The following SEMA3A variants were observed in gnomAD, a reference collection of about 807,000 sequenced individuals.
SEMA3A encodes the protein semaphorin 3A.
SEMA3A carries 29 observed loss-of-function variants against 97.9 expected under a neutral mutation model. The ratio of observed to expected loss-of-function variants is 0.30; its 90% CI spans 0.22 to 0.40. The LOEUF (loss-of-function observed/expected upper bound fraction) is 0.40, where lower values mean the gene tolerates loss of function less well. Ranked by LOEUF, SEMA3A falls within the 10% of genes least tolerant of loss-of-function variation. SEMA3A has a pLI of 1.00. For synonymous variants in SEMA3A, 321 were observed against 323.7 expected (o/e 0.99, Z 0.09); for missense variants, 763 against 951.3 (o/e 0.80, Z 2.60).
intron 2 of SEMA3A, among the ~76,000 whole-genome samples, 196 bp downstream of exon 2, chr7:84,134,598 G>A (rs146210608): frequency 6.6e-6 from 1 of 152,258 alleles, no homozygotes; most frequent in East Asian, 1.9e-4. Flanking sequence ...TGCAAATACT[G>A]TGGTTTCATC....
chr7:84,050,502 G>A (rs948799241), intron 5 of SEMA3A, among the ~76,000 whole-genome samples: 7 of 152,040 alleles, frequency 4.6e-5, no homozygotes, highest in African/African-American at 1.7e-4. Flanking sequence ...CTGCATAAAT[G>A]TCTTCTTTTG....
At chr7:84,205,188 G>C in intron 3 of SEMA3A, among the ~76,000 whole-genome samples, 1 of 152,062 alleles carries the variant, frequency 6.6e-6, no homozygotes, top group East Asian at 1.9e-4. Context: ...AATTATTATG[G>C]GAATATCTCC....
At position 84,110,823 on chromosome 7, in the gene SEMA3A, C is replaced by T. The variant is rs542101689; in HGVS notation, c.334-234G>A. On this transcript the variant is annotated intron_variant, in intron 3 of 16. Transcript: ENST00000265362. ...CTGGTGAGAACAATTATTTTATGCC[C>T]TTCCGTCAGTCTTCCATTAAAACTA... Among the ~76,000 whole-genome samples, 4 of 151,930 alleles carry T rather than the reference C, an allele frequency of 2.6e-5. No homozygotes were observed. The South Asian group carries it at 8.3e-4, about 32-fold the overall frequency.
intron 1 of SEMA3A, among the ~76,000 whole-genome samples, chr7:84,382,322 G>A (rs777806459): frequency 6.6e-6 from 1 of 151,694 alleles, no homozygotes; most frequent in Non-Finnish European, 1.5e-5. Context: ...GGCCAAGATG[G>A]TCTGAAACTC....
intron 13 of SEMA3A, among the ~76,000 whole-genome samples, chr7:83,984,608 C>CTTTTTTTTTTTTTTTTTTTTTT (rs371082897): frequency 5.1e-5 from 5 of 98,880 alleles, no homozygotes; most frequent in Admixed American, 2.8e-4. Flanking sequence ...GATTTTTCTG[C>CTTTTTTTTTTTTTTTTTTTTTT]TTTTTTTTTT....
chr7:84,086,522 ATAAT>A (rs1794364368), intron 4 of SEMA3A, among the ~76,000 whole-genome samples: 1 of 52,974 alleles, frequency 1.9e-5, no homozygotes. Context: ...ATATTTATAT[ATAAT>A]ATATTATTAT....
chr7:83,963,107 A>G, intron 16 of SEMA3A, 98 bp downstream of exon 16: 1 of 1,311,608 alleles, frequency 7.6e-7, no homozygotes. Context: ...GAGGATAAGC[A>G]TTCTCAGTGC....
chr7:84,463,394 A>T (rs919689239), intron 1 of SEMA3A, among the ~76,000 whole-genome samples: 1 of 151,052 alleles, frequency 6.6e-6, no homozygotes, highest in Non-Finnish European at 1.5e-5. Flanking sequence ...GACTACAGGC[A>T]CCTGCCACCA....
intron 5 of SEMA3A, among the ~76,000 whole-genome samples, chr7:84,052,285 G>T (rs577302884): frequency 6.6e-6 from 1 of 152,170 alleles, no homozygotes; most frequent in Non-Finnish European, 1.5e-5. Context: ...CAGAAGGAAC[G>T]CTACCAGTTC....
chr7:84,487,376 C>G (rs763265074), intron 1 of SEMA3A, among the ~76,000 whole-genome samples: 1 of 151,986 alleles, frequency 6.6e-6, no homozygotes, highest in Non-Finnish European at 1.5e-5. Context: ...GACTTCTACT[C>G]AGACTACCCA....
At chr7:83,961,912 A>C (rs1788488844) in intron 16 of SEMA3A, 86 bp from the exon 17 acceptor site, 3 of 1,039,114 alleles carry the variant, frequency 2.9e-6, no homozygotes, top group Non-Finnish European at 4.1e-6. Context: ...AAAACTTTAG[A>C]TTATGTGTTG....
chr7:84,206,938 G>C (rs1798508555), intron 3 of SEMA3A, among the ~76,000 whole-genome samples: 1 of 151,600 alleles, frequency 6.6e-6, no homozygotes, highest in African/African-American at 2.4e-5. Context: ...TCTCTACTTT[G>C]ATTACCCACC....
At chr7:84,364,789 G>A (rs1802804510) in intron 2 of SEMA3A, among the ~76,000 whole-genome samples, 1 of 151,084 alleles carries the variant, frequency 6.6e-6, no homozygotes. Context: ...AACTGTGCAG[G>A]TCAGGCAGGC....
At chr7:84,248,119 A>C (rs189788001) in intron 3 of SEMA3A, among the ~76,000 whole-genome samples, 63 of 152,324 alleles carry the variant, frequency 4.1e-4, no homozygotes, top group Non-Finnish European at 7.6e-4. Context: ...TCAATATAAA[A>C]ACCGGCATAT....
At chr7:84,449,477 TGAAA>T (rs1188744307) in intron 1 of SEMA3A, among the ~76,000 whole-genome samples, 2 of 152,038 alleles carry the variant, frequency 1.3e-5, no homozygotes, top group African/African-American at 4.8e-5. Context: ...ACAACAGGAC[TGAAA>T]GAGACACCAC....
intron 15 of SEMA3A, among the ~76,000 whole-genome samples, chr7:83,963,650 A>T (rs753560712): frequency 2.0e-5 from 3 of 152,198 alleles, no homozygotes; most frequent in Non-Finnish European, 4.4e-5. Context: ...ATATGTCATG[A>T]TAAATACTCT....
At chr7:84,116,873 A>G (rs1488297074) in intron 3 of SEMA3A, among the ~76,000 whole-genome samples, 1 of 152,180 alleles carries the variant, frequency 6.6e-6, no homozygotes, top group Non-Finnish European at 1.5e-5. Flanking sequence ...CCACTTTATT[A>G]TGGTAGCCCT....
At chr7:84,253,197 T>C (rs1584171034) in intron 3 of SEMA3A, among the ~76,000 whole-genome samples, 1 of 152,262 alleles carries the variant, frequency 6.6e-6, no homozygotes, top group African/African-American at 2.4e-5. Context: ...CTTAGAATCA[T>C]GCTTTCTACA....
chr7:84,390,345 A>ATTATTATTG (rs1277971333), intron 1 of SEMA3A, among the ~76,000 whole-genome samples: 1 of 148,516 alleles, frequency 6.7e-6, no homozygotes, highest in African/African-American at 2.5e-5. Context: ...AATTATTATT[A>ATTATTATTG]TTATTATTAT....
Sources: allele counts gnomAD v4.1 joint callset (sites outside exome capture counted in the v4.1 genomes callset), GRCh38; gene constraint gnomAD v4.1.1; transcripts MANE v1.5; gene names NCBI Gene and HGNC (gene_info 2026-07-23, HGNC 2026-07-21).